SCAI: variants seen among roughly 807,000 people sequenced by gnomAD.
SCAI encodes the protein protein SCAI.
Under a neutral mutation model 92.2 loss-of-function variants are expected in SCAI, and 24 were observed. The observed-to-expected ratio is 0.26, with a 90% confidence interval of 0.19 to 0.37. SCAI has a LOEUF of 0.37. Among genes scored for constraint, SCAI ranks in the 10% least tolerant of loss-of-function variants. The pLI is 1.00. For synonymous variants in SCAI, 261 were observed against 258.6 expected (o/e 1.01, Z -0.09); for missense variants, 450 against 736.2 (o/e 0.61, Z 4.50).
At chr9:124,977,198 A>C (rs1321765607) in intron 14 of SCAI, among the ~76,000 whole-genome samples, 1 of 152,178 alleles carries the variant, frequency 6.6e-6, no homozygotes, top group Admixed American at 6.5e-5. Flanking sequence ...GAGATAAAAC[A>C]ATTCTAAAAT....
Position 124,975,501 on chromosome 9 carries a change from T to C in SCAI, c.1399+613A>G. On this transcript the variant is annotated intron_variant, in intron 15 of 17. Transcript: ENST00000336505. The stretch of plus-strand genomic sequence containing the variant: ...CTGGGAGTTAGAATTAGATTTTATG[T>C]GTCACTAATTAAAGACAAATTATTA... 1.1e-5 allele frequency: 3 copies of C among 276,584 alleles called. 1 individual carries two copies. Among genetic ancestry groups the C allele is most frequent in the South Asian group, 9.2e-5 (3 of 32,524 alleles). The allele number at this position is 276,584 out of a possible 1,614,324, so 17.1% of individuals were successfully genotyped here. A position where few individuals can be genotyped will look rare whatever the true frequency, so the allele number is the denominator to read the frequency against.
In SCAI at chr9:125,123,619, CA is replaced by C. The variant is rs540213782; in HGVS notation, c.98+19013del. ...TGAAACCCCGTCTCTACTAAAAATA[CA>C]AAAAATTAGCCGGGCATGGTGGCGG... On this transcript the variant is annotated intron_variant, in intron 2 of 17. Transcript: ENST00000336505. Among the ~76,000 whole-genome samples, 24 of 152,150 alleles carry C rather than the reference CA, an allele frequency of 1.6e-4. No homozygotes were observed. In the East Asian group the frequency reaches 3.5e-3, roughly 22 times the overall value.
chr9:124,970,011 G>A (rs1029853998), intron 17 of SCAI, among the ~76,000 whole-genome samples: 1 of 152,020 alleles, frequency 6.6e-6, no homozygotes, highest in Non-Finnish European at 1.5e-5. Context: ...ATGCCACCAT[G>A]TCTGGCTAAT....
At chr9:125,134,821 C>T (rs1411393696) in intron 2 of SCAI, among the ~76,000 whole-genome samples, 3 of 152,212 alleles carry the variant, frequency 2.0e-5, no homozygotes, top group Non-Finnish European at 4.4e-5. Context: ...GGATTACAGG[C>T]ATGCGCCACC....
Position 125,019,150 on chromosome 9 carries a change from A to C in SCAI, c.665T>G (p.Val222Gly). The C allele has an allele frequency of 6.2e-7, 1 of 1,604,876 alleles. No homozygotes were observed. Residue 222 changes from valine to glycine, a missense_variant, in exon 8 of 18, where the codon GTG becomes GGG. By Grantham distance (109) the Val-to-Gly change is moderately radical. This residue lies in a region of SCAI where 360 missense variants were observed against 601.8 expected (regional missense o/e 0.60). Coordinates refer to ENST00000336505, the MANE Select transcript of SCAI (RefSeq NM_001144877.3). ...YTHRFNTEDQ[V>G]EWNLVLQEVA... ...TTCTTGAAGCACCAAGTTCCATTCC[A>C]CTTGATCTTCAGTATTAAATCGGTG...
In SCAI at chr9:124,998,289, T is replaced by C. The variant is rs571123973; in HGVS notation, c.1244+1602A>G. Among the ~76,000 whole-genome samples the C allele has an allele frequency of 6.6e-4, 101 of 152,016 alleles. 4 individuals carry two copies. The highest frequency in any genetic ancestry group is 6.2e-3 in the Admixed American group (95 of 15,266). On this transcript the variant is annotated intron_variant, in intron 13 of 17. Transcript: ENST00000336505. ...TCAACATGGCGAAACCCCATCTCTA[T>C]GAAAAATAAAAAAATTAGCCAGGCG...
chr9:124,952,687 T>A lies in SCAI; in HGVS notation c.*120A>T, dbSNP rs998385188. On this transcript the variant is annotated 3_prime_UTR_variant, in exon 18 of 18. Transcript: ENST00000336505. Reference sequence around the variant, plus strand: ...ATTTTTTTGTTTGTTTTTAAAATGGTGGCCCTAAATTAAAAAATAAAAACT... The same window carrying A: ...ATTTTTTTGTTTGTTTTTAAAATGGAGGCCCTAAATTAAAAAATAAAAACT... 5.9e-6 allele frequency: 4 copies of A among 675,286 alleles called. No homozygotes were observed. Among genetic ancestry groups the A allele is most frequent in the Non-Finnish European group, 9.2e-6 (4 of 432,884 alleles). 41.8% of individuals were successfully genotyped at this position (675,286 alleles called of 1,614,324 possible).
intron 3 of SCAI, among the ~76,000 whole-genome samples, chr9:125,030,213 TTA>T (rs1449596000): frequency 6.6e-6 from 1 of 152,230 alleles, no homozygotes; most frequent in Non-Finnish European, 1.5e-5. Flanking sequence ...ACCTGGTGAC[TTA>T]TAGTACAGTC....
chr9:125,040,255 G>A (rs1456092851), intron 3 of SCAI, among the ~76,000 whole-genome samples: 1 of 152,172 alleles, frequency 6.6e-6, no homozygotes, highest in African/African-American at 2.4e-5. Context: ...TACTTGGGTG[G>A]CTGAGGTGGG....
chr9:125,078,214 A>G (rs941802977), intron 2 of SCAI, among the ~76,000 whole-genome samples: 11 of 152,066 alleles, frequency 7.2e-5, no homozygotes, highest in Non-Finnish European at 1.2e-4. Context: ...TTTTGTCAAA[A>G]TAATATATAA....
intron 3 of SCAI, among the ~76,000 whole-genome samples, chr9:125,044,914 T>C (rs1372567684): frequency 6.6e-6 from 1 of 152,184 alleles, no homozygotes; most frequent in African/African-American, 2.4e-5. Flanking sequence ...AGCTGCAACC[T>C]TGCATGGCGC....
At chr9:125,056,240 T>C (rs4838243) in intron 2 of SCAI, among the ~76,000 whole-genome samples, 61,976 of 151,938 alleles carry the variant, frequency 0.41, 14,146 homozygotes, top group South Asian at 0.51. Context: ...CCGAGGTGGA[T>C]GGATCACCTG....
chr9:125,115,474 T>C (rs1835025983), intron 2 of SCAI, among the ~76,000 whole-genome samples: 1 of 150,686 alleles, frequency 6.6e-6, no homozygotes, highest in South Asian at 2.1e-4. Context: ...ACAAACCAAC[T>C]GCCCACAGAT....
chr9:125,014,384 A>G (rs1832705231), intron 9 of SCAI, among the ~76,000 whole-genome samples: 1 of 152,202 alleles, frequency 6.6e-6, no homozygotes, highest in South Asian at 2.1e-4. Context: ...TTATACACCA[A>G]TAACAGAGAA....
chr9:124,957,873 T>C (rs745428200), intron 17 of SCAI, among the ~76,000 whole-genome samples: 2 of 151,242 alleles, frequency 1.3e-5, no homozygotes, highest in Non-Finnish European at 2.9e-5. Flanking sequence ...AGTAGAGATA[T>C]GGTTTTGCCT....
chr9:124,965,598 A>C (rs1253414391), intron 17 of SCAI, among the ~76,000 whole-genome samples: 1 of 152,200 alleles, frequency 6.6e-6, no homozygotes, highest in African/African-American at 2.4e-5. Context: ...ATGAGATAAA[A>C]AGGTATTTCA....
At chr9:125,004,543 G>C (rs1484961903) in intron 9 of SCAI, among the ~76,000 whole-genome samples, 1 of 150,386 alleles carries the variant, frequency 6.6e-6, no homozygotes, top group African/African-American at 2.4e-5. Flanking sequence ...TGGCCAGGCT[G>C]GTCTCAAACT....
chr9:124,965,279 G>A (rs1365808532), intron 17 of SCAI, among the ~76,000 whole-genome samples: 1 of 152,082 alleles, frequency 6.6e-6, no homozygotes, highest in African/African-American at 2.4e-5. Flanking sequence ...TGTCGCCCAG[G>A]CTGGAGTCCA....
At chr9:124,990,850 T>G (rs1832104107) in intron 14 of SCAI, among the ~76,000 whole-genome samples, 1 of 151,628 alleles carries the variant, frequency 6.6e-6, no homozygotes, top group Admixed American at 6.6e-5. Flanking sequence ...GAGGGATTTC[T>G]GAGTGAGTAG....
Sources: allele counts gnomAD v4.1 joint callset (sites outside exome capture counted in the v4.1 genomes callset), GRCh38; gene constraint gnomAD v4.1.1; regional missense constraint gnomAD v4.1.1; transcripts MANE v1.5; gene names NCBI Gene and HGNC (gene_info 2026-07-23, HGNC 2026-07-21).